KIF20A: variants seen among roughly 807,000 people sequenced by gnomAD.
The protein encoded by KIF20A is kinesin family member 20A.
Under a neutral mutation model 113.0 loss-of-function variants are expected in KIF20A, and 66 were observed. The observed-to-expected ratio is 0.58, with a 90% CI of 0.48 to 0.72. The LOEUF is 0.72. KIF20A is among the 30% of genes least tolerant of loss of function. The pLI, the probability that KIF20A is intolerant of heterozygous loss-of-function variation, is 0.00. For missense variants in KIF20A, 927 were observed against 1,077.6 expected, an observed-to-expected ratio of 0.86 and a Z score of 1.96; for synonymous variants, 376 against 402.3, an observed-to-expected ratio of 0.93 and a Z score of 0.78.
Position 138,187,665 on chromosome 5 carries a change from T to C in KIF20A, c.*252T>C, listed in dbSNP as rs1014957732. 6 of 328,228 alleles carry C rather than the reference T, an allele frequency of 1.8e-5. No homozygotes were observed. In the South Asian group the frequency reaches 3.1e-4, roughly 17 times the overall value. 20.3% of individuals were successfully genotyped at this position (328,228 alleles called of 1,614,324 possible). A position where few individuals can be genotyped will look rare whatever the true frequency, so the allele number is the denominator to read the frequency against. On this transcript the variant is annotated 3_prime_UTR_variant, in exon 19 of 19. Coordinates refer to ENST00000394894, the MANE Select transcript of KIF20A (RefSeq NM_005733.3). ...ATTAAAGATATTATTGTTCACATTT[T>C]TTATTGAATTCCAAATGTAGCAAAA...
In KIF20A at chr5:138,183,751, C is replaced by T; in HGVS notation, c.1203C>T (p.Ile401=). ...GGGAAGGAGATATAGTCCCCAAGAT[C>T]AGCGAGTAAGTTTATCCATTTAGAA... ...LQGEGDIVPK[I]SELSLCDLAG... is the part of the protein sequence containing the mutation. The change falls in exon 10 of 19, where the codon ATC becomes ATT. Residue 401 remains isoleucine, a synonymous_variant. Transcript: ENST00000394894. The surrounding 1 kb of genome is among the most constrained non-coding windows in gnomAD (Gnocchi z 5.2). The T allele has an allele frequency of 1.2e-6, 2 of 1,612,840 alleles. No individual in the cohort carries two copies. The highest frequency in any genetic ancestry group is 1.7e-6 in the Non-Finnish European group (2 of 1,178,944).
intron 12 of KIF20A, 31 bp from the exon 13 acceptor site, chr5:138,184,481 G>A: frequency 1.2e-6 from 2 of 1,610,978 alleles, no homozygotes; most frequent in African/African-American, 1.3e-5. Context: ...ACTACTTATG[G>A]AGTCAAGTAA....
In KIF20A at chr5:138,186,359, T is replaced by C. The variant is rs759916868; in HGVS notation, c.2283T>C (p.Ala761=). ...LGESLQSAER[A]CCHSTGAGKL... ...AGTCTCTCCAATCAGCAGAGAGAGC[T>C]TGTTGCCACAGCACTGGGGCAGGAA... The change falls in exon 18 of 19, where the codon GCT becomes GCC. Residue 761 remains alanine (A), a synonymous_variant. Coordinates refer to ENST00000394894, the MANE Select transcript of KIF20A (RefSeq NM_005733.3). 2.5e-6 allele frequency: 4 copies of C among 1,606,088 alleles called. No individual in the cohort carries two copies.
In KIF20A at chr5:138,183,106, TGCAGGCCAAAA is replaced by T; in HGVS notation, c.833-61_833-51del. 2.7e-5 allele frequency: 44 copies of T among 1,601,320 alleles called. No individual in the cohort carries two copies. The highest frequency in any genetic ancestry group is 3.7e-5 in the Non-Finnish European group (43 of 1,171,912). On this transcript the variant is annotated intron_variant, in intron 7 of 18. Transcript: ENST00000394894. The surrounding 1 kb of genome is among the most constrained non-coding windows in gnomAD (Gnocchi z 5.2). ...TCTAAGGTCTGCCTTCCAAGGCCCC[TGCAGGCCAAAA>T]GAGAGGTGAACTGCTCTAGGTTGAT...
intron 1 of KIF20A, 46 bp from the exon 2 acceptor site, chr5:138,179,614 G>T: frequency 6.3e-7 from 1 of 1,575,756 alleles, no homozygotes. Flanking sequence ...GGCCCCTTCT[G>T]TCCCTAAAGG....
At chr5:138,185,429 C>T in intron 15 of KIF20A, 83 bp from the exon 16 acceptor site, 2 of 1,330,658 alleles carry the variant, frequency 1.5e-6, no homozygotes, top group Non-Finnish European at 2.1e-6. Context: ...ATCAGTGTCA[C>T]AAGTGCTTTG....
intron 4 of KIF20A, 61 bp downstream of exon 4, chr5:138,181,789 T>C: frequency 2.5e-6 from 4 of 1,590,562 alleles, no homozygotes; most frequent in Non-Finnish European, 3.4e-6. Context: ...TTATTCCCTC[T>C]TTAGAGGGAA....
chr5:138,181,455 G>C lies in KIF20A; in HGVS notation c.199G>C (p.Val67Leu). ...PSEDSMEKVK[V>L]YLRVRPLLPS... ...TGAGGACAGTATGGAGAAGGTGAAA[G>C]TATACTTGAGGGTTAGGCCCTTGTT... Residue 67 changes from valine (V) to leucine (L), a missense_variant, in exon 3 of 19, where the codon GTA becomes CTA. Val to Leu is a conservative substitution (Grantham distance 32, BLOSUM62 1). Transcript: ENST00000394894. 2 of 1,614,244 alleles carry C rather than the reference G, an allele frequency of 1.2e-6. No individual in the cohort carries two copies. Among genetic ancestry groups the C allele is most frequent in the South Asian group, 1.1e-5 (1 of 91,090 alleles).
At chr5:138,186,464 A>G in intron 18 of KIF20A, 33 bp downstream of exon 18, 1 of 1,597,588 alleles carries the variant, frequency 6.3e-7, no homozygotes, top group South Asian at 1.1e-5. Flanking sequence ...CTTCTGTCCT[A>G]CCAGCCCACT....
chr5:138,185,183 C>G lies in KIF20A; in HGVS notation c.1912C>G (p.Gln638Glu), dbSNP rs1243402605. 1 of 1,611,746 alleles carries G rather than the reference C, an allele frequency of 6.2e-7. No homozygotes were observed. The highest frequency in any genetic ancestry group is 8.5e-7 in the Non-Finnish European group (1 of 1,178,054). Residue 638 changes from glutamine (Q) to glutamate (E), a missense_variant, in exon 15 of 19, where the codon CAA (glutamine) becomes GAA (glutamate). Gln to Glu is a conservative substitution (Grantham distance 29). Coordinates refer to ENST00000394894, the MANE Select transcript of KIF20A (RefSeq NM_005733.3). ...CAAGGAGTCACTGACAAGTTTTTACCAAGAAGAGATTCAGGTGAGTTGCCC... is the reference window on the plus strand; with the variant it reads ...CAAGGAGTCACTGACAAGTTTTTACGAAGAAGAGATTCAGGTGAGTTGCCC... The part of the protein sequence containing the change: ...ILKESLTSFY[Q>E]EEIQERDEKI...
chr5:138,186,247 C>T (rs368393033), intron 17 of KIF20A, 47 bp from the exon 18 acceptor site: 72 of 1,570,898 alleles, frequency 4.6e-5, no homozygotes, highest in Non-Finnish European at 6.0e-5. Flanking sequence ...AGATCATTAT[C>T]CTGGTTGCTC....
intron 15 of KIF20A, 118 bp downstream of exon 15, chr5:138,185,315 T>C (rs897564036): frequency 4.7e-6 from 4 of 844,018 alleles, no homozygotes; most frequent in Non-Finnish European, 7.7e-6. Flanking sequence ...CTCCCTTTTC[T>C]CTATTCCCCA....
At chr5:138,182,835 C>T in intron 6 of KIF20A, 26 bp from the exon 7 acceptor site, 1 of 1,613,882 alleles carries the variant, frequency 6.2e-7, no homozygotes, top group South Asian at 1.1e-5. Flanking sequence ...AAGTTTTGTG[C>T]TTACCTTCTC....
At chr5:138,179,263 T>C (rs1754589063) in intron 1 of KIF20A, 61 bp downstream of exon 1, 1 of 204,084 alleles carries the variant, frequency 4.9e-6, no homozygotes, top group East Asian at 1.4e-4. Flanking sequence ...GAATAGGCTT[T>C]AAGAAATCGG....
At position 138,179,687 on chromosome 5, in the gene KIF20A, C is replaced by T. The variant is rs1297688484; in HGVS notation, c.7C>T (p.Gln3Ter). 1 of 1,614,056 alleles carries T rather than the reference C, an allele frequency of 6.2e-7. No individual in the cohort carries two copies. Among genetic ancestry groups the T allele is most frequent in the Non-Finnish European group, 8.5e-7 (1 of 1,180,020 alleles). The stretch of plus-strand genomic sequence containing the variant: ...CTAGGCTGCCCCTGCCGTCATGTCG[C>T]AAGGGATCCTTTCTCCGCCAGCGGG... MS[Q>*]GILSPPAGLL... The change falls in exon 2 of 19, where the codon CAA becomes TAA. Residue 3 changes from glutamine (Q) to a stop codon, truncating the protein, a stop_gained. Coordinates refer to ENST00000394894, the MANE Select transcript of KIF20A (RefSeq NM_005733.3). LOFTEE classifies it high-confidence loss of function.
intron 6 of KIF20A, 23 bp from the exon 7 acceptor site, chr5:138,182,838 A>G (rs754527198): frequency 1.2e-6 from 2 of 1,613,934 alleles, no homozygotes; most frequent in East Asian, 4.5e-5. Context: ...TTTTGTGCTT[A>G]CCTTCTCCCT....
At chr5:138,179,484 C>G in intron 1 of KIF20A, 176 bp from the exon 2 acceptor site, 1 of 575,846 alleles carries the variant, frequency 1.7e-6, no homozygotes, top group Non-Finnish European at 3.1e-6. Context: ...AAACTTCTCT[C>G]AATTGTTCAT....
rs202090102 is a variant in KIF20A, at chr5:138,187,339, A to G, written c.2599A>G (p.Ser867Gly). ...AACCTGCCAAAGCTCAACAGACTGC[A>G]GCCCTTATGCCCGGATCCTACGCTC... ...TPTCQSSTDC[S>G]PYARILRSRR... The change falls in exon 19 of 19, where the codon AGC (serine) becomes GGC (glycine). Residue 867 changes from serine to glycine, a missense_variant. By Grantham distance (56) the Ser-to-Gly change is moderately conservative. Coordinates refer to ENST00000394894, the MANE Select transcript of KIF20A (RefSeq NM_005733.3). 8 of 1,614,202 alleles carry G rather than the reference A, an allele frequency of 5.0e-6. No homozygotes were observed. The East Asian group carries it at 1.3e-4, about 27-fold the overall frequency.
intron 1 of KIF20A, chr5:138,179,413 G>A (rs1159909993): frequency 2.0e-5 from 9 of 444,680 alleles, no homozygotes; most frequent in African/African-American, 1.4e-4. Flanking sequence ...TTTAGGCGTA[G>A]CCTTCTGCTT....
Sources: gnomAD v4.1 joint callset for allele counts on GRCh38, gnomAD v4.1.1 for gene constraint, Gnocchi (gnomAD v3.1) non-coding constraint, MANE v1.5 for transcripts, NCBI Gene and HGNC (gene_info 2026-07-23, HGNC 2026-07-21) for gene names.